DCAF6: variants seen among roughly 807,000 people sequenced by gnomAD.
The protein encoded by DCAF6 is DDB1 and CUL4 associated factor 6.
Under a neutral mutation model 125.1 loss-of-function variants are expected in DCAF6, and 54 were observed. That is an observed-to-expected ratio of 0.43 (90% CI 0.35 to 0.54). DCAF6 has a LOEUF of 0.54. DCAF6 is among the 20% of genes least tolerant of loss of function. The pLI is 0.01. For synonymous variants in DCAF6, 371 were observed against 390.4 expected, an observed-to-expected ratio of 0.95 and a Z score of 0.58; for missense variants, 934 against 1,161.7, an observed-to-expected ratio of 0.80 and a Z score of 2.85.
At chr1:167,930,946 A>G (rs1173962964), upstream of DCAF6, among the ~76,000 whole-genome samples, 1 of 152,250 alleles carries the variant, frequency 6.6e-6, no homozygotes, top group Non-Finnish European at 1.5e-5. Context: ...AACTGCATCA[A>G]GGATGATAAT....
Position 167,991,193 on chromosome 1 carries a change from A to T in DCAF6, c.553-11A>T. ...AACTATATGTAATTGGTATTATGTTATGTTTTGTAGGATATTTTAATTAAC... is the reference window on the plus strand; with the variant it reads ...AACTATATGTAATTGGTATTATGTTTTGTTTTGTAGGATATTTTAATTAAC... On this transcript the variant is annotated splice_polypyrimidine_tract_variant and intron_variant, in intron 5 of 21. Coordinates refer to ENST00000367840, the MANE Select transcript of DCAF6 (RefSeq NM_001198956.2). The T allele has an allele frequency of 6.2e-7, 1 of 1,606,908 alleles. No individual in the cohort carries two copies. Among genetic ancestry groups the T allele is most frequent in the Non-Finnish European group, 8.5e-7 (1 of 1,177,336 alleles).
chr1:168,047,185 T>C (rs1689239111), intron 16 of DCAF6, among the ~76,000 whole-genome samples: 1 of 152,146 alleles, frequency 6.6e-6, no homozygotes, highest in Non-Finnish European at 1.5e-5. Flanking sequence ...AATCTTTCTA[T>C]AGATCTTTAT....
chr1:167,964,221 G>T (rs1019954468), intron 2 of DCAF6, among the ~76,000 whole-genome samples: 1 of 152,008 alleles, frequency 6.6e-6, no homozygotes, highest in Admixed American at 6.6e-5. Context: ...GTAATTTCTT[G>T]CAAAGTAGGT....
At chr1:167,983,630 C>G (rs1238003930) in intron 4 of DCAF6, among the ~76,000 whole-genome samples, 2 of 152,166 alleles carry the variant, frequency 1.3e-5, no homozygotes, top group Non-Finnish European at 2.9e-5. Context: ...TTCTTGGGTC[C>G]TTCTTTGGCA....
chr1:167,943,243 T>C (rs955324931), intron 1 of DCAF6, among the ~76,000 whole-genome samples: 3 of 152,178 alleles, frequency 2.0e-5, no homozygotes, highest in Non-Finnish European at 2.9e-5. Context: ...TTTATAGTTA[T>C]CCTGGCTATT....
chr1:167,901,356 A>C, the DCAF6 span, among the ~76,000 whole-genome samples: 4 of 152,162 alleles, frequency 2.6e-5, no homozygotes, highest in Admixed American at 2.6e-4. Context: ...GCAAGATGGA[A>C]TAATAATAAC....
intron 11 of DCAF6, among the ~76,000 whole-genome samples, chr1:168,021,153 T>G (rs1249017122): frequency 6.6e-6 from 1 of 152,136 alleles, no homozygotes; most frequent in Non-Finnish European, 1.5e-5. Flanking sequence ...TTTCTTAAAT[T>G]TTATTAAAAA....
chr1:168,067,879 C>T (rs536452443), intron 20 of DCAF6, among the ~76,000 whole-genome samples: 1 of 152,204 alleles, frequency 6.6e-6, no homozygotes, highest in Admixed American at 6.5e-5. Context: ...ACTTAAGGCT[C>T]AGTTTCTTGT....
At chr1:167,901,642 A>ACC in the DCAF6 span, 1 of 1,613,350 alleles carries the variant, frequency 6.2e-7, no homozygotes, top group African/African-American at 1.3e-5. Flanking sequence ...CGTAGGATTT[A>ACC]TTCCTTCTCA....
At chr1:168,019,139 C>T (rs1685353919) in intron 11 of DCAF6, among the ~76,000 whole-genome samples, 1 of 151,854 alleles carries the variant, frequency 6.6e-6, no homozygotes, top group Non-Finnish European at 1.5e-5. Context: ...ACCTCCACCT[C>T]CCGGGTTCAA....
the DCAF6 span, chr1:167,893,770 G>GT: frequency 0.066 from 43,040 of 649,310 alleles, 44 homozygotes; most frequent in South Asian, 0.078. Context: ...AGTAGCTGCT[G>GT]TTTTTTTTTT....
intron 10 of DCAF6, among the ~76,000 whole-genome samples, chr1:168,005,926 T>C (rs973296382): frequency 6.6e-6 from 1 of 152,164 alleles, no homozygotes; most frequent in African/African-American, 2.4e-5. Context: ...TTTTAATTTA[T>C]GGAAAAATAA....
chr1:167,953,612 A>G (rs1393348435), intron 2 of DCAF6, among the ~76,000 whole-genome samples: 1 of 151,872 alleles, frequency 6.6e-6, no homozygotes, highest in Non-Finnish European at 1.5e-5. Flanking sequence ...TATTATTATT[A>G]TTCTTTGATA....
intron 12 of DCAF6, among the ~76,000 whole-genome samples, chr1:168,025,543 CTAAT>C (rs748918859): frequency 3.3e-4 from 50 of 152,224 alleles, no homozygotes; most frequent in Admixed American, 9.2e-4. Flanking sequence ...GAAAATATAT[CTAAT>C]TAATTAAATC....
chr1:167,988,568 A>G (rs1028830451), intron 5 of DCAF6, among the ~76,000 whole-genome samples: 1 of 152,152 alleles, frequency 6.6e-6, no homozygotes. Context: ...CATTATTAAG[A>G]GCACAGTAGT....
chr1:168,019,209 C>T (rs987928002), intron 11 of DCAF6, among the ~76,000 whole-genome samples: 10 of 152,028 alleles, frequency 6.6e-5, no homozygotes, highest in Admixed American at 2.6e-4. Flanking sequence ...CCACTATGCC[C>T]GGCTAATTTT....
At chr1:168,011,818 A>C (rs1364456084) in intron 10 of DCAF6, among the ~76,000 whole-genome samples, 1 of 152,088 alleles carries the variant, frequency 6.6e-6, no homozygotes, top group Non-Finnish European at 1.5e-5. Flanking sequence ...TTTCTACCAA[A>C]ATAAATTTGT....
chr1:167,941,538 A>G (rs754667762), intron 1 of DCAF6, among the ~76,000 whole-genome samples: 1 of 152,234 alleles, frequency 6.6e-6, no homozygotes, highest in Non-Finnish European at 1.5e-5. Flanking sequence ...CTAGGTGTAT[A>G]TATAAACCTT....
rs1233239791 is a variant in DCAF6 at position 168,003,920 on chromosome 1, T to G, written c.1048T>G (p.Ser350Ala). The G allele has an allele frequency of 6.2e-7, 1 of 1,612,086 alleles. No homozygotes were observed. The highest frequency in any genetic ancestry group is 8.5e-7 in the Non-Finnish European group (1 of 1,179,260). The part of the protein sequence containing the change: ...SLMQRMSDML[S>A]RWFEEASEVA... ...GATGCAGAGAATGTCTGATATGTTA[T>G]CAAGATGGTTTGAAGAAGCAAGTGA... The change falls in exon 9 of 22, where the codon TCA (serine) becomes GCA (alanine). Residue 350 changes from serine (S) to alanine (A), a missense_variant. Ser to Ala is a moderately conservative substitution (Grantham distance 99, BLOSUM62 1). This residue lies in a region of DCAF6 where 559 missense variants were observed against 635.5 expected (regional missense o/e 0.88). Coordinates refer to ENST00000367840, the MANE Select transcript of DCAF6 (RefSeq NM_001198956.2).
Sources: gnomAD v4.1 joint callset for allele counts (sites outside exome capture counted in the v4.1 genomes callset) on GRCh38, gnomAD v4.1.1 for gene constraint, gnomAD v4.1.1 regional missense constraint, MANE v1.5 for transcripts, NCBI Gene and HGNC (gene_info 2026-07-23, HGNC 2026-07-21) for gene names.